Variants in VPS13B observed in about 807,000 individuals in gnomAD.
VPS13B encodes the protein intermembrane lipid transfer protein VPS13B.
In VPS13B, 285 loss-of-function variants were observed where a neutral mutation model predicts 426.4. That is an observed-to-expected ratio of 0.67 (90% confidence interval 0.61 to 0.74). The LOEUF (loss-of-function observed/expected upper bound fraction) is 0.74, where lower values mean the gene tolerates loss of function less well. VPS13B is among the 30% of genes least tolerant of loss of function. The pLI is 0.00. For synonymous variants in VPS13B, 1,676 were observed against 1,676.4 expected, an observed-to-expected ratio of 1.00 and a Z score of 0.01; for missense variants, 4,537 against 4,782.6, an observed-to-expected ratio of 0.95 and a Z score of 1.51.
At chr8:99,059,026 G>A (rs1418427921) in intron 3 of VPS13B, among the ~76,000 whole-genome samples, 1 of 152,144 alleles carries the variant, frequency 6.6e-6, no homozygotes, top group Non-Finnish European at 1.5e-5. Context: ...TTTCTTTGAA[G>A]GAAAAGTTGA....
intron 19 of VPS13B, among the ~76,000 whole-genome samples, chr8:99,328,538 T>C (rs1810398749): frequency 6.6e-6 from 1 of 152,118 alleles, no homozygotes; most frequent in African/African-American, 2.4e-5. Context: ...CCAACTTTGG[T>C]GATATAGGTG....
chr8:99,661,492 G>T lies in VPS13B; in HGVS notation c.6046+1G>T, dbSNP rs750003804. The T allele has an allele frequency of 6.2e-7, 1 of 1,612,420 alleles. No individual in the cohort carries two copies. The highest frequency in any genetic ancestry group is 8.5e-7 in the Non-Finnish European group (1 of 1,179,598). On this transcript the variant is annotated splice_donor_variant, in intron 35 of 61. Transcript: ENST00000357162. LOFTEE classifies it high-confidence loss of function. ...ATTAAAGACTTTCTGAATGGACCAG[G>T]TAAGAAAGTCATAAAATTTACATGT...
intron 24 of VPS13B, among the ~76,000 whole-genome samples, chr8:99,468,963 C>T (rs1381310863): frequency 6.6e-6 from 1 of 151,956 alleles, no homozygotes; most frequent in East Asian, 1.9e-4. Context: ...TTCTTGCCTC[C>T]TTCTCCCTAC....
chr8:99,620,266 A>G lies in VPS13B; in HGVS notation c.5221-21545A>G, dbSNP rs1480221399. 2.6e-5 allele frequency among the ~76,000 whole-genome samples: 4 copies of G among 152,228 alleles called. No homozygotes were observed. The South Asian group carries it at 6.2e-4, about 24-fold the overall frequency. On this transcript the variant is annotated intron_variant, in intron 33 of 61. Coordinates refer to ENST00000357162, the MANE Select transcript of VPS13B (RefSeq NM_152564.5). ...AAACCAAAATTCTTCTTAAGACAGC[A>G]GTAAGTTTAACCCAGTTCAGGTGAA...
intron 55 of VPS13B, among the ~76,000 whole-genome samples, chr8:99,852,051 G>A (rs536898127): frequency 3.8e-4 from 58 of 152,212 alleles, no homozygotes; most frequent in Non-Finnish European, 7.4e-4. Flanking sequence ...ATGCTTCTAA[G>A]GAAAAGTCAA....
At chr8:99,570,026 T>C (rs1825393778) in intron 31 of VPS13B, among the ~76,000 whole-genome samples, 1 of 152,236 alleles carries the variant, frequency 6.6e-6, no homozygotes, top group Admixed American at 6.5e-5. Context: ...CATTGTTTTA[T>C]TGGAGTACAT....
chr8:99,779,122 C>A, intron 42 of VPS13B, 91 bp downstream of exon 42: 3 of 1,235,698 alleles, frequency 2.4e-6, no homozygotes, highest in Non-Finnish European at 3.5e-6. Context: ...AAGTTCAACA[C>A]AAACAAAAAT....
At chr8:99,302,354 T>C (rs1337150705) in intron 19 of VPS13B, among the ~76,000 whole-genome samples, 1 of 152,240 alleles carries the variant, frequency 6.6e-6, no homozygotes, top group African/African-American at 2.4e-5. Flanking sequence ...ACAATGCATT[T>C]AATATGCCTA....
At position 99,014,024 on chromosome 8, in the gene VPS13B, T is replaced by TAAA. The variant is rs1841459051; in HGVS notation, c.147+92_147+94dup. 1.9e-6 allele frequency: 3 copies of TAAA among 1,577,466 alleles called. No homozygotes were observed. The African/African-American group carries it at 4.1e-5, about 21-fold the overall frequency. On this transcript the variant is annotated intron_variant, in intron 2 of 61. Transcript: ENST00000357162. ...TTTCCTAAGCTTTGACTTTATGCTG[T>TAAA]AAAAACGTAACTTTTCTACTGATGT... is the stretch of plus-strand genomic sequence containing the variant.
intron 8 of VPS13B, among the ~76,000 whole-genome samples, chr8:99,127,441 A>AC (rs1050695504): frequency 6.6e-6 from 1 of 151,602 alleles, no homozygotes; most frequent in African/African-American, 2.4e-5. Flanking sequence ...GTGCACCCCC[A>AC]CCCCCACTAT....
chr8:99,225,355 C>G (rs1265930529), intron 17 of VPS13B, among the ~76,000 whole-genome samples: 2 of 152,034 alleles, frequency 1.3e-5, no homozygotes, highest in Non-Finnish European at 2.9e-5. Context: ...TCTCAGCTCA[C>G]TGCAAGGTTC....
At chr8:99,167,934 A>G (rs1277220866) in intron 15 of VPS13B, among the ~76,000 whole-genome samples, 1 of 152,172 alleles carries the variant, frequency 6.6e-6, no homozygotes, top group Non-Finnish European at 1.5e-5. Context: ...AAGCAACTTC[A>G]GTTTACACTG....
intron 3 of VPS13B, among the ~76,000 whole-genome samples, chr8:99,058,455 T>A (rs568335977): frequency 5.3e-5 from 8 of 151,904 alleles, no homozygotes; most frequent in African/African-American, 1.9e-4. Flanking sequence ...ATATTAGAAT[T>A]TTTTTCTTTT....
chr8:99,249,693 G>A (rs935688523), intron 17 of VPS13B, among the ~76,000 whole-genome samples: 3 of 152,152 alleles, frequency 2.0e-5, no homozygotes, highest in Non-Finnish European at 4.4e-5. Context: ...AAAGTGCTGG[G>A]ATTACAGATG....
rs1439202104 is a variant in VPS13B, at chr8:99,142,955, A to G, written c.1652-19A>G. 6.2e-7 allele frequency: 1 copy of G among 1,603,378 alleles called. No homozygotes were observed. The highest frequency in any genetic ancestry group is 1.7e-5 in the Admixed American group (1 of 58,848). ...TATATCCAATTGATGCTTAAAATAT[A>G]AAATTTGACTTCTTTTAGGTTCCAC... is the stretch of plus-strand genomic sequence containing the variant. On this transcript the variant is annotated intron_variant, in intron 12 of 61. Coordinates refer to ENST00000357162, the MANE Select transcript of VPS13B (RefSeq NM_152564.5).
chr8:99,815,630 A>G (rs1429369261), intron 44 of VPS13B, among the ~76,000 whole-genome samples: 1 of 151,408 alleles, frequency 6.6e-6, no homozygotes, highest in Non-Finnish European at 1.5e-5. Flanking sequence ...TAAATATCAT[A>G]TGCTTAGACT....
chr8:99,784,329 G>A lies in VPS13B; in HGVS notation c.7794G>A (p.Glu2598=). The A allele has an allele frequency of 6.2e-7, 1 of 1,613,678 alleles. No homozygotes were observed. The highest frequency in any genetic ancestry group is 8.5e-7 in the Non-Finnish European group (1 of 1,179,666). ...TTTTCTTTCAGAACAAATGCCCTGA[G>A]GTAGAGGAGTTGGTCTTCAGCCATT... ...IQAWQQNKCP[E]VEELVFSHFV... is the part of the protein sequence containing the mutation. Residue 2598 remains glutamate, a synonymous_variant, in exon 43 of 62, where the codon GAG becomes GAA. Coordinates refer to ENST00000357162, the MANE Select transcript of VPS13B (RefSeq NM_152564.5).
intron 3 of VPS13B, 112 bp downstream of exon 3, chr8:99,038,678 ACTT>A: frequency 5.0e-5 from 23 of 463,532 alleles, no homozygotes; most frequent in South Asian, 1.4e-4. Context: ...TAGCTTATAT[ACTT>A]TTTTTTTTTT....
chr8:99,790,399 A>T (rs956784024), intron 43 of VPS13B, among the ~76,000 whole-genome samples: 3 of 152,124 alleles, frequency 2.0e-5, no homozygotes, highest in African/African-American at 7.2e-5. Flanking sequence ...TTTTTTAATC[A>T]GTATATTTTC....
Sources: allele counts gnomAD v4.1 joint callset (sites outside exome capture counted in the v4.1 genomes callset), GRCh38; gene constraint gnomAD v4.1.1; transcripts MANE v1.5; gene names NCBI Gene and HGNC (gene_info 2026-07-23, HGNC 2026-07-21).